MS4A4E: variants seen among roughly 807,000 people sequenced by gnomAD.
MS4A4E encodes the protein putative membrane-spanning 4-domains subfamily A member 4E.
MS4A4E carries 23 observed loss-of-function variants against 13.3 expected under a neutral mutation model. The observed-to-expected ratio is 1.73, with a 90% CI of 1.25 to 2.45. The LOEUF is 2.45. MS4A4E is among the 30% of genes most tolerant of loss of function. The pLI, the probability that MS4A4E is intolerant of heterozygous loss-of-function variation, is 0.00. For synonymous variants in MS4A4E, 36 were observed against 45.6 expected (o/e 0.79, Z 0.85); for missense variants, 144 against 131.2 (o/e 1.10, Z -0.48).
At chr11:60,242,674 G>A (rs1232237138) in intron 1 of MS4A4E, among the ~76,000 whole-genome samples, 2 of 152,120 alleles carry the variant, frequency 1.3e-5, no homozygotes, top group Non-Finnish European at 2.9e-5. Flanking sequence ...GAGAACTTAC[G>A]GAACAAAAGT....
intron 3 of MS4A4E, among the ~76,000 whole-genome samples, chr11:60,223,136 C>G (rs1004636089): frequency 5.9e-5 from 9 of 152,094 alleles, no homozygotes; most frequent in African/African-American, 1.9e-4. Context: ...TCATCAATAC[C>G]AGCTACAACC....
At position 60,201,556 on chromosome 11, in the gene MS4A4E, G is replaced by A. The variant is rs561031030; in HGVS notation, c.983C>T (p.Pro328Leu). 1.7e-4 allele frequency: 54 copies of A among 310,152 alleles called. No individual in the cohort carries two copies. Among genetic ancestry groups the A allele is most frequent in the South Asian group, 7.0e-4 (30 of 42,902 alleles). 19.2% of individuals were successfully genotyped at this position (310,152 alleles called of 1,614,324 possible). ...IWEVRSVSAR[P>L]PIF is the part of the protein sequence containing the mutation. The stretch of plus-strand genomic sequence containing the variant: ...GCTCCCCACATCTCAGAAGATGGGC[G>A]GCCGGGCGGAGACACTCCTCACCTC... The change falls in exon 9 of 9, where the codon CCG becomes CTG. Residue 328 changes from proline to leucine, a missense_variant. By Grantham distance (98) the Pro-to-Leu change is moderately conservative. Coordinates refer to ENST00000651255, the MANE Select transcript of MS4A4E (RefSeq NM_001393391.1).
chr11:60,209,988 C>T (rs984689146), intron 5 of MS4A4E, among the ~76,000 whole-genome samples: 1 of 152,156 alleles, frequency 6.6e-6, no homozygotes, highest in African/African-American at 2.4e-5. Context: ...GCAAACAAAA[C>T]AGACAATTCC....
chr11:60,242,047 C>T lies in MS4A4E; in HGVS notation c.-17+911G>A, dbSNP rs79165605. On this transcript the variant is annotated intron_variant, in intron 1 of 8. Coordinates refer to ENST00000651255, the MANE Select transcript of MS4A4E (RefSeq NM_001393391.1). ...GCATGAGGAGAGTGGTATACACGGT[C>T]ATCCCCTTTTTCTTGGCAGAGTTAT... Among the ~76,000 whole-genome samples, 609 of 152,254 alleles carry T rather than the reference C, an allele frequency of 4.0e-3. 4 individuals are homozygous for T. Among genetic ancestry groups the T allele is most frequent in the African/African-American group, 0.01 (416 of 41,510 alleles).
At chr11:60,241,278 C>A (rs1281124533) in intron 1 of MS4A4E, among the ~76,000 whole-genome samples, 1 of 152,204 alleles carries the variant, frequency 6.6e-6, no homozygotes, top group Non-Finnish European at 1.5e-5. Context: ...CCCACCTGGG[C>A]CTCCCAAAGT....
chr11:60,225,407 A>G (rs1283055574), intron 3 of MS4A4E, among the ~76,000 whole-genome samples: 1 of 152,176 alleles, frequency 6.6e-6, no homozygotes, highest in Non-Finnish European at 1.5e-5. Context: ...ACACACTCAG[A>G]GAAAAGTGGC....
chr11:60,227,753 A>G (rs1166162325), intron 3 of MS4A4E, among the ~76,000 whole-genome samples: 1 of 152,126 alleles, frequency 6.6e-6, no homozygotes, highest in African/African-American at 2.4e-5. Context: ...AAATAGACAA[A>G]TAGATCAAGG....
intron 6 of MS4A4E, chr11:60,206,571 T>C (rs573170888): frequency 6.6e-6 from 1 of 152,368 alleles, no homozygotes; most frequent in African/African-American, 2.6e-5. Context: ...TATCAATATG[T>C]CTATCAGTAT....
intron 8 of MS4A4E, among the ~76,000 whole-genome samples, chr11:60,203,400 A>G (rs2084007500): frequency 6.6e-6 from 1 of 152,282 alleles, no homozygotes; most frequent in South Asian, 2.1e-4. Flanking sequence ...AAGAAACACA[A>G]TGATAAGCTA....
chr11:60,227,579 A>G (rs2084360451), intron 3 of MS4A4E, among the ~76,000 whole-genome samples: 1 of 151,982 alleles, frequency 6.6e-6, no homozygotes, highest in South Asian at 2.1e-4. Context: ...TTAGCAAATT[A>G]TTTGTGTATA....
At chr11:60,207,814 T>C (rs1174181625) in intron 6 of MS4A4E, among the ~76,000 whole-genome samples, 1 of 152,194 alleles carries the variant, frequency 6.6e-6, no homozygotes, top group African/African-American at 2.4e-5. Flanking sequence ...CCTCTCTCTG[T>C]GTAACTTTCT....
intron 5 of MS4A4E, among the ~76,000 whole-genome samples, chr11:60,210,428 A>G (rs150083520): frequency 5.3e-5 from 8 of 152,244 alleles, no homozygotes; most frequent in Non-Finnish European, 1.0e-4. Flanking sequence ...CAGCTATGTA[A>G]TTTATAGACT....
intron 1 of MS4A4E, among the ~76,000 whole-genome samples, chr11:60,235,511 T>C (rs184478194): frequency 6.6e-6 from 1 of 152,230 alleles, no homozygotes; most frequent in African/African-American, 2.4e-5. Context: ...ATCTTGCCAC[T>C]CTTGATTAGC....
chr11:60,217,664 C>A (rs1590713454), intron 3 of MS4A4E, among the ~76,000 whole-genome samples: 2 of 152,280 alleles, frequency 1.3e-5, no homozygotes, highest in Admixed American at 1.3e-4. Flanking sequence ...TTTATAATTT[C>A]TTATGCCTGC....
At chr11:60,212,238 A>G (rs893437933) in intron 5 of MS4A4E, among the ~76,000 whole-genome samples, 3 of 152,072 alleles carry the variant, frequency 2.0e-5, no homozygotes, top group African/African-American at 7.2e-5. Context: ...GTGGGAAAGG[A>G]TACTGAGTTA....
intron 3 of MS4A4E, among the ~76,000 whole-genome samples, chr11:60,219,521 G>A (rs541656433): frequency 5.3e-5 from 8 of 152,140 alleles, no homozygotes; most frequent in Non-Finnish European, 1.0e-4. Flanking sequence ...CTTCCAGGTC[G>A]AGTGGACAAA....
At chr11:60,218,618 G>A (rs577873330) in intron 3 of MS4A4E, among the ~76,000 whole-genome samples, 1 of 151,992 alleles carries the variant, frequency 6.6e-6, no homozygotes, top group Non-Finnish European at 1.5e-5. Flanking sequence ...TTCCCCGATA[G>A]TGATGGCCTT....
intron 5 of MS4A4E, among the ~76,000 whole-genome samples, chr11:60,209,646 C>A (rs757842132): frequency 2.0e-5 from 3 of 152,222 alleles, no homozygotes; most frequent in East Asian, 1.9e-4. Context: ...TAATCCATCT[C>A]CCCAGAGCAC....
At chr11:60,232,811 C>G (rs1401529213) in intron 1 of MS4A4E, among the ~76,000 whole-genome samples, 5 of 152,158 alleles carry the variant, frequency 3.3e-5, no homozygotes, top group African/African-American at 1.2e-4. Flanking sequence ...TTAACCACCA[C>G]TACACTATGC....
Sources: gnomAD v4.1 joint callset for allele counts (sites outside exome capture counted in the v4.1 genomes callset) on GRCh38, gnomAD v4.1.1 for gene constraint, MANE v1.5 for transcripts, NCBI Gene and HGNC (gene_info 2026-07-23, HGNC 2026-07-21) for gene names.